TAFA2: variants seen among roughly 807,000 people sequenced by gnomAD.
TAFA2 encodes the protein TAFA chemokine like family member 2.
A neutral mutation model predicts 18.8 loss-of-function variants in TAFA2; 7 were observed. That is an observed-to-expected ratio of 0.37 (90% CI 0.21 to 0.70). The LOEUF (loss-of-function observed/expected upper bound fraction) is 0.70, where lower values mean the gene tolerates loss of function less well. Ranked by LOEUF, TAFA2 falls within the 30% of genes least tolerant of loss-of-function variation. The pLI, the probability that TAFA2 is intolerant of heterozygous loss-of-function variation, is 0.53. For missense variants in TAFA2, 122 were observed against 158.1 expected (o/e 0.77, Z 1.23); for synonymous variants, 60 against 54.2 (o/e 1.11, Z -0.47).
chr12:61,917,877 G>T (rs1330983581), intron 1 of TAFA2, among the ~76,000 whole-genome samples: 1 of 152,098 alleles, frequency 6.6e-6, no homozygotes, highest in African/African-American at 2.4e-5. Context: ...ATTAGGTTCT[G>T]GAAACAAAGA....
chr12:62,147,316 GTGTATGTATGTATATATATATA>G (rs1303326854), intron 1 of TAFA2, among the ~76,000 whole-genome samples: 889 of 45,342 alleles, frequency 0.02, 37 homozygotes, highest in African/African-American at 0.056. Context: ...GTGTGTGTGT[GTGTATGTATGTATATATATATA>G]TATATATATA....
At chr12:61,891,121 G>A (rs1158476038) in intron 1 of TAFA2, among the ~76,000 whole-genome samples, 3 of 152,164 alleles carry the variant, frequency 2.0e-5, no homozygotes, top group Non-Finnish European at 4.4e-5. Context: ...TGTTCCAGAA[G>A]GGAGAAAATA....
At chr12:62,088,834 A>G (rs1868576085) in intron 1 of TAFA2, among the ~76,000 whole-genome samples, 1 of 151,900 alleles carries the variant, frequency 6.6e-6, no homozygotes, top group Non-Finnish European at 1.5e-5. Flanking sequence ...GAAAAAAACC[A>G]CAGGCTGATG....
rs61920566 is a variant in TAFA2 at position 62,068,601 on chromosome 12, C to G, written c.-2+122658G>C. Among the ~76,000 whole-genome samples, 847 of 152,196 alleles carry G rather than the reference C, an allele frequency of 5.6e-3. 4 individuals carry two copies. Among genetic ancestry groups the G allele is most frequent in the Middle Eastern group, 0.01 (3 of 294 alleles). On this transcript the variant is annotated intron_variant, in intron 1 of 4. Coordinates refer to ENST00000416284, the MANE Select transcript of TAFA2 (RefSeq NM_178539.5). ...TCATCTATCATGCCAGTCAAATCATCAGAGGGGCTCACATTCTATTAGAAC... is the reference window on the plus strand; with the variant it reads ...TCATCTATCATGCCAGTCAAATCATGAGAGGGGCTCACATTCTATTAGAAC...
intron 1 of TAFA2, among the ~76,000 whole-genome samples, chr12:61,964,578 G>T (rs564241753): frequency 6.6e-6 from 1 of 151,762 alleles, no homozygotes; most frequent in South Asian, 2.1e-4. Flanking sequence ...CCCTCGATAT[G>T]ACATCACCAC....
intron 2 of TAFA2, among the ~76,000 whole-genome samples, chr12:61,860,470 T>A (rs1464639286): frequency 1.3e-5 from 2 of 152,178 alleles, no homozygotes; most frequent in Non-Finnish European, 2.9e-5. Flanking sequence ...GCCCAAGAGA[T>A]CCTTCTAATA....
chr12:62,184,662 ATT>A (rs1306823003), intron 1 of TAFA2, among the ~76,000 whole-genome samples: 2 of 142,984 alleles, frequency 1.4e-5, no homozygotes, highest in Non-Finnish European at 1.5e-5. Flanking sequence ...TGCCTGGCTA[ATT>A]TTTTTTTTTT....
intron 1 of TAFA2, among the ~76,000 whole-genome samples, chr12:62,133,219 G>C (rs1870760202): frequency 6.6e-6 from 1 of 151,908 alleles, no homozygotes; most frequent in South Asian, 2.1e-4. Context: ...ACTCCCTGTT[G>C]ACACACTCCC....
intron 4 of TAFA2, among the ~76,000 whole-genome samples, chr12:61,723,812 A>G (rs1274020515): frequency 6.6e-6 from 1 of 152,108 alleles, no homozygotes; most frequent in Non-Finnish European, 1.5e-5. Flanking sequence ...ATTACAGTTA[A>G]TATTTCAGTT....
intron 2 of TAFA2, among the ~76,000 whole-genome samples, chr12:61,840,168 A>G (rs1873114253): frequency 6.6e-6 from 1 of 152,076 alleles, no homozygotes. Flanking sequence ...TCAGGAGTCA[A>G]GTTAATAGAG....
chr12:62,036,264 T>C (rs531575657), intron 1 of TAFA2, among the ~76,000 whole-genome samples: 11 of 152,338 alleles, frequency 7.2e-5, no homozygotes, highest in African/African-American at 2.6e-4. Context: ...TTGACCTTTA[T>C]TCTGCCAGCA....
At chr12:62,008,724 C>T (rs1223399913) in intron 1 of TAFA2, among the ~76,000 whole-genome samples, 1 of 152,142 alleles carries the variant, frequency 6.6e-6, no homozygotes, top group Non-Finnish European at 1.5e-5. Context: ...TCTGGCATTG[C>T]TGTCTGTCTG....
chr12:62,221,215 GGGGAAGGAAGGAAGGAAGGAA>G (rs2062759955), intron 1 of TAFA2, among the ~76,000 whole-genome samples: 1 of 65,952 alleles, frequency 1.5e-5, no homozygotes, highest in African/African-American at 7.4e-5. Context: ...GGAAGGAAGG[GGGGAAGGAAGGAAGGAAGGAA>G]GGAAGGAAGG....
chr12:62,001,871 G>A (rs539733189), intron 1 of TAFA2, among the ~76,000 whole-genome samples: 1 of 152,286 alleles, frequency 6.6e-6, no homozygotes, highest in African/African-American at 2.4e-5. Flanking sequence ...ATATTATGCA[G>A]CACTATAATT....
At chr12:61,853,852 A>C (rs1303450076) in intron 2 of TAFA2, among the ~76,000 whole-genome samples, 6 of 152,162 alleles carry the variant, frequency 3.9e-5, no homozygotes, top group Non-Finnish European at 8.8e-5. Flanking sequence ...AAACAAGAGA[A>C]CTGAATAAGC....
chr12:62,190,073 C>T (rs1269437935), intron 1 of TAFA2, among the ~76,000 whole-genome samples: 3 of 152,048 alleles, frequency 2.0e-5, no homozygotes, highest in Non-Finnish European at 4.4e-5. Flanking sequence ...TTCCCTCTCT[C>T]TCTCTTATTG....
At chr12:61,935,921 AC>A (rs1272133176) in intron 1 of TAFA2, among the ~76,000 whole-genome samples, 3 of 152,136 alleles carry the variant, frequency 2.0e-5, no homozygotes, top group African/African-American at 7.2e-5. Context: ...ATTCTTCCAG[AC>A]ATACAAAAAA....
chr12:61,759,130 A>T (rs1323628304), intron 2 of TAFA2, among the ~76,000 whole-genome samples: 1 of 152,046 alleles, frequency 6.6e-6, no homozygotes. Context: ...AAGAAAGGAG[A>T]AGTGAAAACT....
chr12:62,070,524 G>A (rs1882604436), intron 1 of TAFA2: 1 of 152,170 alleles, frequency 6.6e-6, no homozygotes, highest in Non-Finnish European at 1.5e-5. Flanking sequence ...AAGTGGCATA[G>A]CTCTATTCTC....
Sources: gnomAD v4.1 joint callset for allele counts (sites outside exome capture counted in the v4.1 genomes callset) on GRCh38, gnomAD v4.1.1 for gene constraint, MANE v1.5 for transcripts, NCBI Gene and HGNC (gene_info 2026-07-23, HGNC 2026-07-21) for gene names.